The following MCUB variants were observed in gnomAD, a reference collection of about 807,000 sequenced individuals.
MCUB encodes calcium uniporter regulatory subunit MCUb, mitochondrial.
A neutral mutation model predicts 41.4 loss-of-function variants in MCUB; 46 were observed. That is an observed-to-expected ratio of 1.11 (90% confidence interval 0.88 to 1.42). The LOEUF (loss-of-function observed/expected upper bound fraction) is 1.42. Among genes scored for constraint, MCUB ranks in the 40% most tolerant of loss-of-function variants. MCUB has a pLI of 0.00. For missense variants in MCUB, 403 were observed against 404.9 expected (o/e 1.00, Z 0.04); for synonymous variants, 148 against 148.2 (o/e 1.00, Z 0.01).
chr4:109,598,267 G>C (rs534037392), intron 1 of MCUB, among the ~76,000 whole-genome samples: 2 of 151,734 alleles, frequency 1.3e-5, no homozygotes, highest in African/African-American at 4.8e-5. Flanking sequence ...AGGTTGTAGC[G>C]AGCCGAGATC....
chr4:109,677,610 C>G (rs1729601173), intron 4 of MCUB, among the ~76,000 whole-genome samples: 1 of 152,046 alleles, frequency 6.6e-6, no homozygotes, highest in Non-Finnish European at 1.5e-5. Context: ...ATGTCGTTAT[C>G]ATGGGAGTGT....
intron 1 of MCUB, among the ~76,000 whole-genome samples, chr4:109,610,564 A>T (rs746123927): frequency 1.8e-4 from 28 of 152,148 alleles, no homozygotes; most frequent in Non-Finnish European, 3.7e-4. Flanking sequence ...GCTGTTCCCT[A>T]CTGTTTTGTG....
chr4:109,592,303 G>A (rs1288451868), intron 1 of MCUB, among the ~76,000 whole-genome samples: 1 of 151,694 alleles, frequency 6.6e-6, no homozygotes, highest in African/African-American at 2.4e-5. Context: ...CCAGCTACTC[G>A]GGAGGCTGAG....
At chr4:109,567,219 C>T (rs1579041208) in intron 1 of MCUB, among the ~76,000 whole-genome samples, 1 of 151,616 alleles carries the variant, frequency 6.6e-6, no homozygotes, top group African/African-American at 2.4e-5. Flanking sequence ...AATGCACTGC[C>T]CAAATCACAT....
At chr4:109,566,031 GT>G (rs2126122935) in intron 1 of MCUB, among the ~76,000 whole-genome samples, 1 of 151,388 alleles carries the variant, frequency 6.6e-6, no homozygotes, top group South Asian at 2.1e-4. Flanking sequence ...TTGTTTGTTT[GT>G]TTTTGTAGAG....
rs530891320 is a variant in MCUB, at chr4:109,651,220, A to G, written c.100-7791A>G. 2.0e-5 allele frequency among the ~76,000 whole-genome samples: 3 copies of G among 152,318 alleles called. No individual in the cohort carries two copies. The South Asian group carries it at 6.2e-4, about 32-fold the overall frequency. ...CTTCAGTGGATTATAATTTGTTACT[A>G]TCATTATTTAATGCTAAAAATTGTT... On this transcript the variant is annotated intron_variant, in intron 1 of 7. Coordinates refer to ENST00000394650, the MANE Select transcript of MCUB (RefSeq NM_017918.5).
chr4:109,684,395 A>G, intron 5 of MCUB, 48 bp from the exon 6 acceptor site: 1 of 1,442,748 alleles, frequency 6.9e-7, no homozygotes, highest in Non-Finnish European at 9.5e-7. Flanking sequence ...TTGTCCCTTT[A>G]GTTGGTGTAT....
At chr4:109,633,887 C>T (rs913824621) in intron 1 of MCUB, among the ~76,000 whole-genome samples, 3 of 151,844 alleles carry the variant, frequency 2.0e-5, no homozygotes, top group Non-Finnish European at 2.9e-5. Flanking sequence ...CCCACCATCC[C>T]GCCCATGTAC....
At chr4:109,659,953 G>T (rs943973269) in intron 2 of MCUB, among the ~76,000 whole-genome samples, 1 of 152,146 alleles carries the variant, frequency 6.6e-6, no homozygotes, top group African/African-American at 2.4e-5. Context: ...CCACCATGCC[G>T]GCCACCTGGG....
chr4:109,577,548 A>G (rs921476597), intron 1 of MCUB, among the ~76,000 whole-genome samples: 5 of 151,572 alleles, frequency 3.3e-5, no homozygotes, highest in Non-Finnish European at 7.4e-5. Context: ...TAGAGCTTTG[A>G]ATATTGCTAA....
At chr4:109,646,133 A>G (rs1297095223) in intron 1 of MCUB, among the ~76,000 whole-genome samples, 3 of 151,842 alleles carry the variant, frequency 2.0e-5, no homozygotes, top group Non-Finnish European at 2.9e-5. Context: ...GCATACTACC[A>G]TCTGGTTTCT....
chr4:109,636,759 T>A (rs985891165), intron 1 of MCUB, among the ~76,000 whole-genome samples: 13 of 152,226 alleles, frequency 8.5e-5, no homozygotes, highest in Admixed American at 6.5e-4. Context: ...CGCTTGAACC[T>A]GGGAGGCGGA....
chr4:109,676,238 T>C (rs1729575215), intron 4 of MCUB, among the ~76,000 whole-genome samples: 1 of 152,158 alleles, frequency 6.6e-6, no homozygotes, highest in African/African-American at 2.4e-5. Flanking sequence ...TCAGAATGTT[T>C]GTAGAAATAT....
intron 7 of MCUB, 66 bp from the exon 8 acceptor site, chr4:109,687,449 T>G (rs1729873084): frequency 9.0e-7 from 1 of 1,108,780 alleles, no homozygotes; most frequent in South Asian, 1.3e-5. Flanking sequence ...AGAATTCCTC[T>G]CAAGCAGTAA....
chr4:109,603,829 A>G (rs188948959), intron 1 of MCUB, among the ~76,000 whole-genome samples: 3,887 of 149,512 alleles, frequency 0.026, 132 homozygotes, highest in South Asian at 0.076. Context: ...CTGCCCGGCC[A>G]CCACGTTTGG....
chr4:109,658,641 G>A (rs368854006), intron 1 of MCUB, among the ~76,000 whole-genome samples: 3 of 152,036 alleles, frequency 2.0e-5, no homozygotes, highest in African/African-American at 7.3e-5. Flanking sequence ...CTGGTCTGGG[G>A]ACCACATATT....
intron 1 of MCUB, among the ~76,000 whole-genome samples, chr4:109,596,166 GTCCA>G (rs1236820092): frequency 3.6e-5 from 2 of 56,296 alleles, no homozygotes; most frequent in East Asian, 7.0e-4. Context: ...GGGCCCAATA[GTCCA>G]TCCATATGTG....
At chr4:109,670,444 G>T (rs1421146314) in intron 4 of MCUB, among the ~76,000 whole-genome samples, 3 of 152,148 alleles carry the variant, frequency 2.0e-5, no homozygotes, top group African/African-American at 7.2e-5. Flanking sequence ...TTGGCCAGGC[G>T]CAGTGGTTCA....
At chr4:109,626,461 C>G (rs1728361254) in intron 1 of MCUB, among the ~76,000 whole-genome samples, 1 of 151,928 alleles carries the variant, frequency 6.6e-6, no homozygotes, top group Non-Finnish European at 1.5e-5. Flanking sequence ...AGTTATAATT[C>G]AGAATACACA....
Sources: allele counts gnomAD v4.1 joint callset (sites outside exome capture counted in the v4.1 genomes callset), GRCh38; gene constraint gnomAD v4.1.1; transcripts MANE v1.5; gene names NCBI Gene and HGNC (gene_info 2026-07-23, HGNC 2026-07-21).